Variants in CDH12 observed in about 807,000 individuals in gnomAD.
CDH12 encodes cadherin-12.
A neutral mutation model predicts 74.1 loss-of-function variants in CDH12; 41 were observed. The observed-to-expected ratio is 0.55, with a 90% CI of 0.43 to 0.72. CDH12 has a LOEUF of 0.72. Ranked by LOEUF, CDH12 falls within the 30% of genes least tolerant of loss-of-function variation. CDH12 has a pLI of 0.00. For synonymous variants in CDH12, 399 were observed against 355.0 expected, an observed-to-expected ratio of 1.12 and a Z score of -1.39; for missense variants, 945 against 977.2, an observed-to-expected ratio of 0.97 and a Z score of 0.44.
chr5:22,062,879 A>G (rs4301199), intron 5 of CDH12, among the ~76,000 whole-genome samples: 48,378 of 151,954 alleles, frequency 0.32, 8,935 homozygotes, highest in African/African-American at 0.51. Context: ...ACAAATGAAC[A>G]GGAATCACTC....
At chr5:21,981,648 T>C (rs1011771435) in intron 5 of CDH12, among the ~76,000 whole-genome samples, 3 of 152,160 alleles carry the variant, frequency 2.0e-5, no homozygotes, top group African/African-American at 4.8e-5. Context: ...ATCTGTATTA[T>C]ACAGAATCTG....
intron 1 of CDH12, among the ~76,000 whole-genome samples, chr5:22,555,915 CA>C (rs34381365): frequency 7.0e-4 from 106 of 150,666 alleles, no homozygotes; most frequent in African/African-American, 2.5e-3. Context: ...AAAAACTGGT[CA>C]AAAAAAAGGA....
intron 4 of CDH12, among the ~76,000 whole-genome samples, chr5:22,180,163 G>A (rs1489277105): frequency 6.6e-6 from 1 of 152,120 alleles, no homozygotes. Flanking sequence ...AATGCCACAG[G>A]AAATAACCTA....
chr5:21,924,260 G>A (rs1276196047), intron 6 of CDH12, among the ~76,000 whole-genome samples: 2 of 152,218 alleles, frequency 1.3e-5, no homozygotes, highest in Non-Finnish European at 2.9e-5. Flanking sequence ...GGGCACGGTG[G>A]TTCACGCCTG....
intron 1 of CDH12, among the ~76,000 whole-genome samples, chr5:22,721,175 T>C (rs1743863099): frequency 6.6e-6 from 1 of 152,216 alleles, no homozygotes; most frequent in African/African-American, 2.4e-5. Flanking sequence ...ACTGCTGCTC[T>C]GTGCAGCCTA....
intron 13 of CDH12, among the ~76,000 whole-genome samples, chr5:21,759,254 T>A (rs1744577072): frequency 6.6e-6 from 1 of 150,576 alleles, no homozygotes; most frequent in South Asian, 2.1e-4. Context: ...AATTGTTAAG[T>A]GGCTTTTTTT....
chr5:22,666,282 C>CCTTTTTTTTTTTTTTT (rs1740610193), intron 1 of CDH12, among the ~76,000 whole-genome samples: 2 of 83,542 alleles, frequency 2.4e-5, no homozygotes, highest in African/African-American at 9.5e-5. Context: ...ATCTCTCTAT[C>CCTTTTTTTTTTTTTTT]TTTTTTTTTT....
intron 5 of CDH12, among the ~76,000 whole-genome samples, chr5:21,992,250 GA>G: frequency 6.6e-6 from 1 of 151,824 alleles, no homozygotes; most frequent in Non-Finnish European, 1.5e-5. Context: ...ATGCAAAAAC[GA>G]AAAAAATAGA....
chr5:21,794,274 T>C (rs1746658401), intron 10 of CDH12, among the ~76,000 whole-genome samples: 1 of 151,768 alleles, frequency 6.6e-6, no homozygotes, highest in Non-Finnish European at 1.5e-5. Context: ...CTCTTTCTTG[T>C]TTGCTTTTTT....
intron 1 of CDH12, among the ~76,000 whole-genome samples, chr5:22,662,621 G>A (rs1474954034): frequency 1.3e-5 from 2 of 152,078 alleles, no homozygotes; most frequent in African/African-American, 2.4e-5. Context: ...GTATGGCAAC[G>A]GCATAAAGCC....
chr5:22,455,719 G>A (rs997134825), intron 2 of CDH12, among the ~76,000 whole-genome samples: 1 of 152,058 alleles, frequency 6.6e-6, no homozygotes, highest in Non-Finnish European at 1.5e-5. Flanking sequence ...ACACTAAGTG[G>A]GACCAAAGAG....
intron 4 of CDH12, among the ~76,000 whole-genome samples, chr5:22,086,971 A>G (rs1251736117): frequency 1.3e-5 from 2 of 152,168 alleles, no homozygotes; most frequent in Non-Finnish European, 2.9e-5. Flanking sequence ...TAATCATAAG[A>G]CAAGTCTCAA....
intron 3 of CDH12, among the ~76,000 whole-genome samples, chr5:22,326,328 G>GGGGTTCAC (rs1214538853): frequency 3.3e-5 from 5 of 151,554 alleles, no homozygotes; most frequent in Admixed American, 2.6e-4. Context: ...TCCGCCCCCC[G>GGGGTTCAC]GGGTTCACGC....
chr5:22,187,057 T>A (rs1166790362), intron 4 of CDH12, among the ~76,000 whole-genome samples: 1 of 152,170 alleles, frequency 6.6e-6, no homozygotes, highest in Non-Finnish European at 1.5e-5. Context: ...AAAATAGATA[T>A]TCAGCGTGGA....
intron 1 of CDH12, among the ~76,000 whole-genome samples, chr5:22,754,822 G>A (rs560480290): frequency 6.6e-5 from 10 of 152,092 alleles, no homozygotes; most frequent in Non-Finnish European, 1.2e-4. Context: ...TCAAAGAAAC[G>A]GGTTAGGTGT....
chr5:22,579,626 CTTTTT>C lies in CDH12; in HGVS notation c.-522-74267_-522-74263del, dbSNP rs578028974. On this transcript the variant is annotated intron_variant, in intron 1 of 14. Transcript: ENST00000382254. ...ACATACCCTAATTTTCTTTTCTTTTCTTTTTTATTTCATTGTTTTCAAATCAACCT... is the reference window on the plus strand; with the variant it reads ...ACATACCCTAATTTTCTTTTCTTTTCTATTTCATTGTTTTCAAATCAACCT... Among the ~76,000 whole-genome samples, 19 of 151,564 alleles carry C rather than the reference CTTTTT, an allele frequency of 1.3e-4. No individual in the cohort carries two copies. The South Asian group carries it at 4.0e-3, about 32-fold the overall frequency.
chr5:22,541,384 TA>T (rs1360719212), intron 1 of CDH12, among the ~76,000 whole-genome samples: 6 of 152,212 alleles, frequency 3.9e-5, no homozygotes, highest in Non-Finnish European at 5.9e-5. Flanking sequence ...CTCTCATGCC[TA>T]AAATAGACAC....
chr5:22,079,303 T>C (rs1742552588), intron 4 of CDH12, among the ~76,000 whole-genome samples: 1 of 152,160 alleles, frequency 6.6e-6, no homozygotes, highest in Admixed American at 6.6e-5. Flanking sequence ...TAGATGACAG[T>C]AGCACCCCTT....
chr5:22,830,998 C>T (rs1280363343), intron 1 of CDH12, among the ~76,000 whole-genome samples: 1 of 151,832 alleles, frequency 6.6e-6, no homozygotes, highest in African/African-American at 2.4e-5. Context: ...TGAAGCCTAT[C>T]TTAGATCAGT....
Sources: gnomAD v4.1 joint callset for allele counts (sites outside exome capture counted in the v4.1 genomes callset) on GRCh38, gnomAD v4.1.1 for gene constraint, MANE v1.5 for transcripts, NCBI Gene and HGNC (gene_info 2026-07-23, HGNC 2026-07-21) for gene names.